Variants in DEPTOR observed in about 807,000 individuals in gnomAD.
DEPTOR encodes the protein DEP domain-containing mTOR-interacting protein.
In DEPTOR, 41 loss-of-function variants were observed where a neutral mutation model predicts 41.6. The ratio of observed to expected loss-of-function variants is 0.98; its 90% confidence interval spans 0.77 to 1.28. The LOEUF is 1.28. DEPTOR is among the 50% of genes most tolerant of loss of function. The pLI is 0.00. For synonymous variants in DEPTOR, 195 were observed against 192.3 expected, an observed-to-expected ratio of 1.01 and a Z score of -0.12; for missense variants, 514 against 527.9, an observed-to-expected ratio of 0.97 and a Z score of 0.26.
intron 3 of DEPTOR, among the ~76,000 whole-genome samples, chr8:119,955,978 T>C (rs1828412267): frequency 6.6e-6 from 1 of 152,028 alleles, no homozygotes. Flanking sequence ...CAGACTTCCT[T>C]ACTGGAGAGA....
intron 4 of DEPTOR, among the ~76,000 whole-genome samples, chr8:119,991,030 TTTTCTTTCTTTCTTTCTTTC>T (rs747315642): frequency 1.9e-5 from 1 of 53,646 alleles, no homozygotes; most frequent in African/African-American, 6.6e-5. Flanking sequence ...TCGGGTTTTC[TTTTCTTTCTTTCTTTCTTTC>T]TTTCTTTCTT....
At chr8:119,900,446 G>A (rs891297148) in intron 1 of DEPTOR, among the ~76,000 whole-genome samples, 1 of 129,760 alleles carries the variant, frequency 7.7e-6, no homozygotes, top group African/African-American at 3.1e-5. Context: ...GAGTGCAGTG[G>A]CATGATCATA....
At chr8:119,972,034 G>A (rs1413677931) in intron 4 of DEPTOR, among the ~76,000 whole-genome samples, 1 of 152,210 alleles carries the variant, frequency 6.6e-6, no homozygotes, top group Non-Finnish European at 1.5e-5. Flanking sequence ...TGCTAGCCAT[G>A]GGCCAGCCCC....
chr8:120,032,211 C>CTTTCTTTTTTTTTT (rs1563597910), intron 8 of DEPTOR, among the ~76,000 whole-genome samples: 1 of 120,912 alleles, frequency 8.3e-6, no homozygotes, highest in Non-Finnish European at 1.7e-5. Context: ...CACTAACTTT[C>CTTTCTTTTTTTTTT]TTTTTTTTTT....
chr8:120,048,172 G>A (rs533603106), intron 8 of DEPTOR, among the ~76,000 whole-genome samples: 3 of 152,278 alleles, frequency 2.0e-5, no homozygotes, highest in East Asian at 1.9e-4. Context: ...AGTGCAAAAA[G>A]GCTATTCATC....
intron 8 of DEPTOR, among the ~76,000 whole-genome samples, chr8:120,009,513 T>C (rs1454892015): frequency 1.3e-5 from 2 of 152,118 alleles, no homozygotes; most frequent in African/African-American, 2.4e-5. Context: ...CTCAGGAGGC[T>C]GAGGCAGGAG....
intron 1 of DEPTOR, chr8:119,891,028 A>G (rs1304329640): frequency 2.6e-5 from 4 of 152,158 alleles, no homozygotes; most frequent in Non-Finnish European, 5.9e-5. Context: ...CTTATGTAAC[A>G]TTAAATTTCA....
chr8:120,021,971 C>A (rs1812723349), intron 8 of DEPTOR, among the ~76,000 whole-genome samples: 1 of 151,842 alleles, frequency 6.6e-6, no homozygotes, highest in South Asian at 2.1e-4. Flanking sequence ...CATAGCAAGA[C>A]CTCACCTCTA....
intron 8 of DEPTOR, among the ~76,000 whole-genome samples, chr8:120,048,371 G>A (rs1813184147): frequency 1.3e-5 from 2 of 152,190 alleles, no homozygotes; most frequent in Non-Finnish European, 2.9e-5. Flanking sequence ...CTGCTAAATT[G>A]TCTTGCAAAT....
chr8:119,983,583 C>T (rs1223403093), intron 4 of DEPTOR, among the ~76,000 whole-genome samples: 2 of 152,072 alleles, frequency 1.3e-5, no homozygotes, highest in African/African-American at 2.4e-5. Context: ...CGGGTTTCAC[C>T]ATGTTGGCCA....
intron 3 of DEPTOR, among the ~76,000 whole-genome samples, chr8:119,963,295 G>A (rs1194853067): frequency 1.3e-5 from 2 of 152,028 alleles, no homozygotes; most frequent in Non-Finnish European, 2.9e-5. Context: ...CCAATAGAGT[G>A]TGATTGATGT....
chr8:119,985,090 T>C lies in DEPTOR; in HGVS notation c.605-16435T>C, dbSNP rs538553288. Among the ~76,000 whole-genome samples, 5 of 152,260 alleles carry C rather than the reference T, an allele frequency of 3.3e-5. No individual in the cohort carries two copies. The South Asian group carries it at 1.0e-3, about 32-fold the overall frequency. ...TGGGAGGCTGAGGCAGGAGAATCAC[T>C]TGGACCCAGGAGGCAGAGGTTGCAG... On this transcript the variant is annotated intron_variant, in intron 4 of 8. Transcript: ENST00000286234.
intron 2 of DEPTOR, 145 bp from the exon 3 acceptor site, chr8:119,929,670 C>G (rs1213146343): frequency 9.3e-7 from 1 of 1,079,680 alleles, no homozygotes. Context: ...AACTATTTTA[C>G]AAGTATTAGC....
chr8:119,882,821 A>G (rs1586596346), intron 1 of DEPTOR, among the ~76,000 whole-genome samples: 1 of 152,174 alleles, frequency 6.6e-6, no homozygotes, highest in East Asian at 1.9e-4. Flanking sequence ...AGGAAAGAAC[A>G]ATCGGTCCTA....
At position 119,943,923 on chromosome 8, in the gene DEPTOR, C is replaced by T. The variant is rs184397215; in HGVS notation, c.425+13985C>T. 3.3e-3 allele frequency among the ~76,000 whole-genome samples: 503 copies of T among 152,172 alleles called. 1 individual carries two copies. Among genetic ancestry groups the T allele is most frequent in the African/African-American group, 0.011 (473 of 41,512 alleles). On this transcript the variant is annotated intron_variant, in intron 3 of 8. Coordinates refer to ENST00000286234, the MANE Select transcript of DEPTOR (RefSeq NM_022783.4). ...CTCAATCTTGGCTCACTGCAAGCTC[C>T]GCCTCCCGGGTTCACGCCATTCTCC...
At position 119,965,403 on chromosome 8, in the gene DEPTOR, C is replaced by T. The variant is rs1254523293; in HGVS notation, c.597C>T (p.Ile199=). The T allele has an allele frequency of 6.2e-7, 1 of 1,613,552 alleles. No homozygotes were observed. The highest frequency in any genetic ancestry group is 8.5e-7 in the Non-Finnish European group (1 of 1,179,880). The change falls in exon 4 of 9, where the codon ATC becomes ATT. Residue 199 remains isoleucine, a synonymous_variant. Transcript: ENST00000286234. ...LCHRLMEHGI[I]QHVSNKHPFV... ...ACCGGCTTATGGAGCATGGCATCAT[C>T]CAGCATGGTGAGCGTATTGGGCAGC... is the stretch of plus-strand genomic sequence containing the variant.
At chr8:119,881,595 A>G (rs538970233) in intron 1 of DEPTOR, among the ~76,000 whole-genome samples, 2 of 152,096 alleles carry the variant, frequency 1.3e-5, no homozygotes, top group South Asian at 4.1e-4. Flanking sequence ...TAAATCGAAT[A>G]TGAGATAAGG....
chr8:120,007,751 G>A lies in DEPTOR; in HGVS notation c.996+876G>A, dbSNP rs575576852. On this transcript the variant is annotated intron_variant, in intron 7 of 8. Transcript: ENST00000286234. ...ATGCTGAGGAGTTAATAGGAGAAAG[G>A]CGCTGACAACATGTCTGTACCAGAG... Among the ~76,000 whole-genome samples, 24 of 152,314 alleles carry A rather than the reference G, an allele frequency of 1.6e-4. No homozygotes were observed. The East Asian group carries it at 4.4e-3, about 28-fold the overall frequency.
At chr8:120,014,909 T>TG (rs1812586593) in intron 8 of DEPTOR, among the ~76,000 whole-genome samples, 1 of 5,648 alleles carries the variant, frequency 1.8e-4, no homozygotes, top group Non-Finnish European at 4.3e-4. Flanking sequence ...TGATATAATC[T>TG]TTTTTTTTTA....
Sources: allele counts gnomAD v4.1 joint callset (sites outside exome capture counted in the v4.1 genomes callset), GRCh38; gene constraint gnomAD v4.1.1; transcripts MANE v1.5; gene names NCBI Gene and HGNC (gene_info 2026-07-23, HGNC 2026-07-21).